The following UBE2G1 variants were observed in gnomAD, a reference collection of about 807,000 sequenced individuals.
UBE2G1 encodes the protein ubiquitin-conjugating enzyme E2 G1.
A neutral mutation model predicts 22.7 loss-of-function variants in UBE2G1; 5 were observed. That is an observed-to-expected ratio of 0.22 (90% CI 0.12 to 0.46). The LOEUF is 0.46. Ranked by LOEUF, UBE2G1 falls within the 20% of genes least tolerant of loss-of-function variation. UBE2G1 has a pLI of 0.99. For missense variants in UBE2G1, 88 were observed against 203.9 expected (o/e 0.43, Z 3.46); for synonymous variants, 74 against 67.5 (o/e 1.10, Z -0.47).
chr17:4,335,123 T>C (rs189059606), intron 1 of UBE2G1: 3 of 152,196 alleles, frequency 2.0e-5, no homozygotes, highest in East Asian at 1.9e-4. Context: ...AAAACTGATG[T>C]TTCTTGAGTA....
intron 4 of UBE2G1, among the ~76,000 whole-genome samples, chr17:4,284,911 T>C (rs1968944626): frequency 1.4e-5 from 2 of 144,442 alleles, no homozygotes; most frequent in South Asian, 2.2e-4. Context: ...GTGGTGATCA[T>C]AGCTCACTGC....
At chr17:4,302,394 C>G in intron 2 of UBE2G1, 1 of 497,800 alleles carries the variant, frequency 2.0e-6, no homozygotes, top group South Asian at 1.5e-5. Flanking sequence ...TGGGAATCTC[C>G]TATTCATCGC....
intron 1 of UBE2G1, among the ~76,000 whole-genome samples, chr17:4,309,225 TTCCA>T (rs1969280571): frequency 6.6e-6 from 1 of 152,180 alleles, no homozygotes; most frequent in Admixed American, 6.5e-5. Context: ...TGCCACTGTA[TTCCA>T]GCCTGGGTGA....
chr17:4,300,583 A>T (rs1023533355), intron 2 of UBE2G1, among the ~76,000 whole-genome samples: 7 of 152,200 alleles, frequency 4.6e-5, no homozygotes, highest in Admixed American at 4.6e-4. Context: ...AATAAAATTT[A>T]AAAAGGCACC....
chr17:4,361,784 A>G (rs1320138503), intron 1 of UBE2G1, among the ~76,000 whole-genome samples: 1 of 151,940 alleles, frequency 6.6e-6, no homozygotes, highest in Non-Finnish European at 1.5e-5. Context: ...TACTAAAAAT[A>G]CAAAAAATAA....
chr17:4,316,251 A>C (rs59713397), intron 1 of UBE2G1, among the ~76,000 whole-genome samples: 2,031 of 152,248 alleles, frequency 0.013, 49 homozygotes, highest in African/African-American at 0.046. Flanking sequence ...GTTTATTTAT[A>C]CAACACAGTT....
At chr17:4,346,953 G>A (rs755790568) in intron 1 of UBE2G1, among the ~76,000 whole-genome samples, 2 of 151,326 alleles carry the variant, frequency 1.3e-5, no homozygotes, top group Admixed American at 1.3e-4. Flanking sequence ...AGGAGTTGGA[G>A]ACCAACCTGG....
At chr17:4,294,916 G>A (rs928326586) in intron 3 of UBE2G1, among the ~76,000 whole-genome samples, 36 of 151,606 alleles carry the variant, frequency 2.4e-4, no homozygotes, top group African/African-American at 6.8e-4. Context: ...AAAAAAGGAC[G>A]GAATGGGAGA....
chr17:4,307,159 G>A, intron 1 of UBE2G1, 36 bp from the exon 2 acceptor site: 1 of 1,554,924 alleles, frequency 6.4e-7, no homozygotes, highest in Non-Finnish European at 8.9e-7. Flanking sequence ...ATACATTTAA[G>A]CACATAATTT....
At chr17:4,353,458 T>C (rs925413960) in intron 1 of UBE2G1, among the ~76,000 whole-genome samples, 2 of 133,344 alleles carry the variant, frequency 1.5e-5, no homozygotes, top group African/African-American at 5.9e-5. Context: ...GATATATATA[T>C]ATATACACAC....
chr17:4,303,601 G>A (rs958044345), intron 2 of UBE2G1, among the ~76,000 whole-genome samples: 2 of 152,190 alleles, frequency 1.3e-5, no homozygotes, highest in African/African-American at 4.8e-5. Context: ...TAAACCGCAT[G>A]GCATTACCAC....
At chr17:4,333,394 C>T (rs912203959) in intron 1 of UBE2G1, among the ~76,000 whole-genome samples, 3 of 152,250 alleles carry the variant, frequency 2.0e-5, no homozygotes, top group Middle Eastern at 3.4e-3. Flanking sequence ...ATGTAAAAGA[C>T]GGGCCGGGCA....
At chr17:4,310,262 T>C (rs1028816881) in intron 1 of UBE2G1, among the ~76,000 whole-genome samples, 5 of 152,200 alleles carry the variant, frequency 3.3e-5, no homozygotes, top group African/African-American at 1.2e-4. Context: ...TCAGTCTATC[T>C]ACATCTTCTG....
At chr17:4,313,625 T>TTCTC (rs71832912) in intron 1 of UBE2G1, among the ~76,000 whole-genome samples, 36 of 149,982 alleles carry the variant, frequency 2.4e-4, no homozygotes, top group Admixed American at 3.3e-4. Context: ...ACGATAGTAT[T>TTCTC]TCTCTCTCTC....
intron 1 of UBE2G1, among the ~76,000 whole-genome samples, chr17:4,337,791 G>A (rs1969666721): frequency 6.6e-6 from 1 of 152,046 alleles, no homozygotes; most frequent in Non-Finnish European, 1.5e-5. Context: ...TTCAACTCAA[G>A]GTTAGAAAAT....
At chr17:4,330,358 T>C (rs1969558446) in intron 1 of UBE2G1, among the ~76,000 whole-genome samples, 2 of 152,200 alleles carry the variant, frequency 1.3e-5, no homozygotes, top group Non-Finnish European at 2.9e-5. Context: ...TGCATACTCT[T>C]ATTTGATTTT....
intron 1 of UBE2G1, among the ~76,000 whole-genome samples, chr17:4,365,300 A>G (rs1339104034): frequency 6.6e-6 from 1 of 152,144 alleles, no homozygotes; most frequent in Non-Finnish European, 1.5e-5. Context: ...CTGCATTGTG[A>G]AGCCACCAAC....
chr17:4,290,645 T>TTTTC (rs1969022840), intron 3 of UBE2G1, among the ~76,000 whole-genome samples: 1 of 26,324 alleles, frequency 3.8e-5, no homozygotes, highest in Non-Finnish European at 2.7e-4. Context: ...CTAACCTGAC[T>TTTTC]TTTTTTTTTT....
intron 1 of UBE2G1, among the ~76,000 whole-genome samples, chr17:4,330,945 G>C (rs1361674601): frequency 7.2e-6 from 1 of 139,626 alleles, no homozygotes; most frequent in Non-Finnish European, 1.5e-5. Flanking sequence ...AAAATTAAAA[G>C]GCAAATAATT....
Sources: gnomAD v4.1 joint callset for allele counts (sites outside exome capture counted in the v4.1 genomes callset) on GRCh38, gnomAD v4.1.1 for gene constraint, MANE v1.5 for transcripts, NCBI Gene and HGNC (gene_info 2026-07-23, HGNC 2026-07-21) for gene names.